The following ACSS3 variants were observed in gnomAD, a reference collection of about 807,000 sequenced individuals.
ACSS3 encodes the protein acyl-CoA synthetase short chain family member 3, also known as acyl-CoA synthetase short-chain family member 3, mitochondrial.
Under a neutral mutation model 84.2 loss-of-function variants are expected in ACSS3, and 64 were observed. That is an observed-to-expected ratio of 0.76 (90% confidence interval 0.62 to 0.94). The LOEUF is 0.94. ACSS3 is among the 40% of genes least tolerant of loss of function. ACSS3 has a pLI of 0.00. For missense variants in ACSS3, 815 were observed against 867.6 expected, an observed-to-expected ratio of 0.94 and a Z score of 0.76; for synonymous variants, 317 against 310.1, an observed-to-expected ratio of 1.02 and a Z score of -0.23.
At chr12:81,247,983 G>A (rs537858477) in intron 13 of ACSS3, among the ~76,000 whole-genome samples, 1 of 152,078 alleles carries the variant, frequency 6.6e-6, no homozygotes, top group African/African-American at 2.4e-5. Flanking sequence ...CACTTTTCCA[G>A]TTTCCCTAAG....
intron 5 of ACSS3, 94 bp downstream of exon 5, chr12:81,143,341 CTTT>C (rs1473287752): frequency 3.8e-6 from 5 of 1,307,252 alleles, no homozygotes; most frequent in Admixed American, 4.9e-5. Flanking sequence ...GCAGACTTTA[CTTT>C]GAAGTTTAGA....
intron 11 of ACSS3, among the ~76,000 whole-genome samples, chr12:81,220,589 C>T (rs1313127684): frequency 2.0e-5 from 3 of 151,934 alleles, no homozygotes; most frequent in Non-Finnish European, 4.4e-5. Context: ...ACCCTTGCCT[C>T]CCTCCCTCAC....
rs920654234 is a variant in ACSS3 at position 81,260,033 on chromosome 12, A to G, written c.*5111A>G. On this transcript the variant is annotated 3_prime_UTR_variant, in exon 16 of 16. Transcript: ENST00000548058. ...TTATATTCTAGTTCATATATTTTAGAGTTCTTAAAAAATACCTTTATTTGT... is the reference window on the plus strand; with the variant it reads ...TTATATTCTAGTTCATATATTTTAGGGTTCTTAAAAAATACCTTTATTTGT... 1.2e-5 allele frequency: 2 copies of G among 164,490 alleles called. No homozygotes were observed. The highest frequency in any genetic ancestry group is 4.8e-5 in the African/African-American group (2 of 41,976). The allele number at this position is 164,490 out of a possible 1,614,324, so 10.2% of individuals were successfully genotyped here.
chr12:81,103,543 T>C (rs1882705680), intron 1 of ACSS3, among the ~76,000 whole-genome samples: 2 of 152,172 alleles, frequency 1.3e-5, no homozygotes, highest in African/African-American at 4.8e-5. Flanking sequence ...ATCTCTAAGC[T>C]TAGCCAATTT....
intron 7 of ACSS3, among the ~76,000 whole-genome samples, chr12:81,153,205 C>T (rs553291943): frequency 2.0e-5 from 3 of 151,964 alleles, no homozygotes; most frequent in African/African-American, 4.8e-5. Flanking sequence ...GTCAGGAGTT[C>T]GAGACCAGCC....
rs2135819819 is a variant in ACSS3 at position 81,174,664 on chromosome 12, T to C, written c.1099-124T>C. ...TTTGTGATAGAACATGGAAATATTT[T>C]AAAACTAAGATTTGTTGAAAACCCC... On this transcript the variant is annotated intron_variant, in intron 7 of 15. Transcript: ENST00000548058. The C allele has an allele frequency of 2.8e-6, 3 of 1,053,500 alleles. No homozygotes were observed. In the East Asian group the frequency reaches 7.9e-5, roughly 28 times the overall value. 65.3% of individuals were successfully genotyped at this position (1,053,500 alleles called of 1,614,324 possible). A position where few individuals can be genotyped will look rare whatever the true frequency, so the allele number is the denominator to read the frequency against.
chr12:81,203,080 G>A (rs970146800), intron 9 of ACSS3, among the ~76,000 whole-genome samples: 4 of 152,136 alleles, frequency 2.6e-5, no homozygotes, highest in Admixed American at 2.0e-4. Context: ...GGAAGCCAAC[G>A]AATGATGTCA....
chr12:81,171,955 G>A (rs954551880), intron 7 of ACSS3, among the ~76,000 whole-genome samples: 1 of 152,080 alleles, frequency 6.6e-6, no homozygotes, highest in East Asian at 1.9e-4. Context: ...TATTTGTATA[G>A]CTAAATATAT....
chr12:81,199,008 A>T (rs1211179252), intron 8 of ACSS3, among the ~76,000 whole-genome samples: 1 of 152,174 alleles, frequency 6.6e-6, no homozygotes, highest in Non-Finnish European at 1.5e-5. Flanking sequence ...ATTAGCGGAG[A>T]CAATGTCAAG....
intron 1 of ACSS3, among the ~76,000 whole-genome samples, chr12:81,107,552 A>ATATATATATG (rs1883167410): frequency 2.9e-5 from 3 of 103,374 alleles, no homozygotes; most frequent in East Asian, 5.4e-4. Flanking sequence ...ATATATATAT[A>ATATATATATG]TATATATAAA....
rs575591192 is a variant in ACSS3 at position 81,220,096 on chromosome 12, C to T, written c.1514+20C>T. On this transcript the variant is annotated intron_variant, in intron 11 of 15. Transcript: ENST00000548058. ...GGTAAAGTAAGCAAAAATTTCAATACTACTATATTAAAGGGCAAAAACTGG... is the reference window on the plus strand; with the variant it reads ...GGTAAAGTAAGCAAAAATTTCAATATTACTATATTAAAGGGCAAAAACTGG... 6.7e-7 allele frequency: 1 copy of T among 1,499,582 alleles called. No individual in the cohort carries two copies. Among genetic ancestry groups the T allele is most frequent in the Non-Finnish European group, 9.0e-7 (1 of 1,115,056 alleles). The allele number at this position is 1,499,582 out of a possible 1,614,324, so 92.9% of individuals were successfully genotyped here.
chr12:81,152,023 T>TA lies in ACSS3; in HGVS notation c.1026dup (p.Gly343ArgfsTer24). 6.2e-7 allele frequency: 1 copy of TA among 1,613,682 alleles called. No homozygotes were observed. The highest frequency in any genetic ancestry group is 8.5e-7 in the Non-Finnish European group (1 of 1,179,822). ...TAGGTGTGGTGGGCAGCTTCTGACTTAGGCTGGGTTGTTGGACATTCCTAT... is the reference window on the plus strand; with the variant it reads ...TAGGTGTGGTGGGCAGCTTCTGACTTAAGGCTGGGTTGTTGGACATTCCTAT... On this transcript the variant is annotated frameshift_variant, in exon 7 of 16. Transcript: ENST00000548058. LOFTEE classifies it high-confidence loss of function.
At chr12:81,083,452 G>A (rs111821301) in intron 1 of ACSS3, among the ~76,000 whole-genome samples, 60,215 of 149,746 alleles carry the variant, frequency 0.4, 14,369 homozygotes, top group Non-Finnish European at 0.55. Context: ...CCATCTCCCC[G>A]CTTCAACCAT....
At chr12:81,183,016 C>A (rs549695110) in intron 8 of ACSS3, among the ~76,000 whole-genome samples, 1 of 152,232 alleles carries the variant, frequency 6.6e-6, no homozygotes, top group East Asian at 1.9e-4. Flanking sequence ...TTTTAACTGG[C>A]AAAGGGTCCA....
chr12:81,143,411 C>A, intron 5 of ACSS3, 164 bp downstream of exon 5: 1 of 561,154 alleles, frequency 1.8e-6, no homozygotes, highest in Non-Finnish European at 2.8e-6. Context: ...AGTGCAGTGG[C>A]GTGATCTCAC....
chr12:81,125,171 G>A (rs536612050), intron 2 of ACSS3, among the ~76,000 whole-genome samples: 85 of 151,998 alleles, frequency 5.6e-4, no homozygotes, highest in Non-Finnish European at 9.6e-4. Flanking sequence ...CCGAGATTGC[G>A]CCACCGCACT....
intron 9 of ACSS3, among the ~76,000 whole-genome samples, chr12:81,200,816 C>T (rs538680935): frequency 3.3e-5 from 5 of 150,764 alleles, no homozygotes; most frequent in African/African-American, 1.2e-4. Context: ...ATTGCTTGAA[C>T]CCAGGAGGAG....
chr12:81,239,704 C>T (rs1429641447), intron 13 of ACSS3, among the ~76,000 whole-genome samples: 2 of 151,924 alleles, frequency 1.3e-5, no homozygotes, highest in African/African-American at 4.8e-5. Context: ...TACCTCCCAC[C>T]AGGTCCCTCC....
intron 9 of ACSS3, among the ~76,000 whole-genome samples, chr12:81,202,270 C>T (rs2032145818): frequency 1.3e-5 from 2 of 151,354 alleles, no homozygotes; most frequent in Non-Finnish European, 2.9e-5. Context: ...TAGAGCGAGA[C>T]TCTGTCTCAA....
Sources: gnomAD v4.1 joint callset for allele counts (sites outside exome capture counted in the v4.1 genomes callset) on GRCh38, gnomAD v4.1.1 for gene constraint, MANE v1.5 for transcripts, NCBI Gene and HGNC (gene_info 2026-07-23, HGNC 2026-07-21) for gene names.